Variants in FSTL5 observed in about 807,000 individuals in gnomAD.
FSTL5 encodes the protein follistatin-related protein 5.
FSTL5 carries 62 observed loss-of-function variants against 89.1 expected under a neutral mutation model. The observed-to-expected ratio is 0.70, with a 90% CI of 0.57 to 0.86. The LOEUF is 0.86. Among genes scored for constraint, FSTL5 ranks in the 40% least tolerant of loss-of-function variants. FSTL5 has a pLI of 0.00. For synonymous variants in FSTL5, 383 were observed against 346.2 expected, an observed-to-expected ratio of 1.11 and a Z score of -1.18; for missense variants, 1,057 against 1,001.6, an observed-to-expected ratio of 1.06 and a Z score of -0.75.
intron 7 of FSTL5, among the ~76,000 whole-genome samples, chr4:161,631,214 A>C (rs1735495532): frequency 6.6e-6 from 1 of 152,230 alleles, no homozygotes; most frequent in South Asian, 2.1e-4. Context: ...CCCTAAAATT[A>C]GAGTTTTCTC....
chr4:161,425,469 T>C (rs1386442529), intron 15 of FSTL5, among the ~76,000 whole-genome samples: 2 of 152,214 alleles, frequency 1.3e-5, no homozygotes, highest in South Asian at 2.1e-4. Context: ...CTTGGCAGTA[T>C]GGTGAATAGA....
At chr4:162,002,161 T>C (rs1297273590) in intron 3 of FSTL5, among the ~76,000 whole-genome samples, 1 of 152,190 alleles carries the variant, frequency 6.6e-6, no homozygotes, top group Non-Finnish European at 1.5e-5. Flanking sequence ...TATGATTTCA[T>C]ATACAACCTT....
intron 2 of FSTL5, among the ~76,000 whole-genome samples, chr4:162,061,484 T>A (rs1253278220): frequency 9.2e-5 from 14 of 152,150 alleles, no homozygotes; most frequent in Non-Finnish European, 1.5e-5. Context: ...ACTTTCAGTA[T>A]CTTCATTTCT....
chr4:162,010,231 T>C (rs1231466534), intron 3 of FSTL5, among the ~76,000 whole-genome samples: 1 of 152,116 alleles, frequency 6.6e-6, no homozygotes, highest in Non-Finnish European at 1.5e-5. Flanking sequence ...TTGGTATACC[T>C]ATGAAATTAG....
At chr4:161,913,770 C>T (rs917553359) in intron 4 of FSTL5, among the ~76,000 whole-genome samples, 12 of 152,110 alleles carry the variant, frequency 7.9e-5, no homozygotes, top group African/African-American at 2.9e-4. Context: ...GGATTTTGGA[C>T]TTGCTTGGGC....
intron 3 of FSTL5, among the ~76,000 whole-genome samples, chr4:161,957,973 CAT>C (rs1359022692): frequency 6.6e-6 from 1 of 152,022 alleles, no homozygotes; most frequent in East Asian, 1.9e-4. Flanking sequence ...GTTCCTATTA[CAT>C]ATATATTAGC....
chr4:161,775,132 A>G (rs1451833036), intron 5 of FSTL5, among the ~76,000 whole-genome samples: 1 of 152,186 alleles, frequency 6.6e-6, no homozygotes, highest in Non-Finnish European at 1.5e-5. Flanking sequence ...TTAACCAGAA[A>G]AAAATGAATA....
chr4:161,835,315 A>C (rs1731000266), intron 4 of FSTL5, among the ~76,000 whole-genome samples: 1 of 152,182 alleles, frequency 6.6e-6, no homozygotes, highest in Non-Finnish European at 1.5e-5. Flanking sequence ...AGATGGATTA[A>C]AGACTTAAAC....
In FSTL5 at chr4:161,529,793, T is replaced by C. The variant is rs567407792; in HGVS notation, c.1312+8373A>G. Among the ~76,000 whole-genome samples the C allele has an allele frequency of 7.7e-5, 11 of 143,084 alleles. 4 individuals carry two copies. In the East Asian group the frequency reaches 2.6e-3, roughly 34 times the overall value. The allele number at this position is 143,084 out of a possible 152,430, so 93.9% of individuals were successfully genotyped here. A position where few individuals can be genotyped will look rare whatever the true frequency, so the allele number is the denominator to read the frequency against. ...CTGTGATGTCTGCACTTTATCTTTA[T>C]GGATTTTTGCTGTATGTTATTATTC... On this transcript the variant is annotated intron_variant, in intron 10 of 15. Coordinates refer to ENST00000306100, the MANE Select transcript of FSTL5 (RefSeq NM_020116.5).
chr4:161,721,133 C>T (rs1246811658), intron 6 of FSTL5, among the ~76,000 whole-genome samples: 2 of 151,338 alleles, frequency 1.3e-5, no homozygotes, highest in Non-Finnish European at 2.9e-5. Context: ...AAAAAATTAG[C>T]CGGGCGCGGT....
At chr4:161,586,856 AT>A (rs1182446457) in intron 8 of FSTL5, among the ~76,000 whole-genome samples, 1 of 152,204 alleles carries the variant, frequency 6.6e-6, no homozygotes, top group East Asian at 1.9e-4. Flanking sequence ...CTTTTCATAA[AT>A]CAGAGTATAT....
At chr4:161,519,063 C>A (rs13143041) in intron 10 of FSTL5, among the ~76,000 whole-genome samples, 16,473 of 152,164 alleles carry the variant, frequency 0.11, 1,155 homozygotes, top group Non-Finnish European at 0.16. Flanking sequence ...AATGTGTGAT[C>A]CAAAAAACCA....
At chr4:161,656,534 G>A in intron 6 of FSTL5, 40 bp from the exon 7 acceptor site, 7 of 1,340,016 alleles carry the variant, frequency 5.2e-6, no homozygotes, top group Non-Finnish European at 6.9e-6. Flanking sequence ...TGAGCATTTA[G>A]TTTTGTAAGG....
intron 6 of FSTL5, among the ~76,000 whole-genome samples, chr4:161,751,570 T>A (rs1229015430): frequency 6.6e-6 from 1 of 151,646 alleles, no homozygotes; most frequent in Non-Finnish European, 1.5e-5. Flanking sequence ...AAGGTAAGAG[T>A]TTGAGACCAG....
Position 161,783,643 on chromosome 4 carries a change from TTCTC to T in FSTL5, c.410-7573_410-7570del, listed in dbSNP as rs33933881. Among the ~76,000 whole-genome samples the T allele has an allele frequency of 3.0e-4, 19 of 62,414 alleles. 3 individuals carry two copies. The highest frequency in any genetic ancestry group is 1.1e-3 in the African/African-American group (19 of 16,896). 40.9% of individuals were successfully genotyped at this position (62,414 alleles called of 152,430 possible). On this transcript the variant is annotated intron_variant, in intron 4 of 15. Coordinates refer to ENST00000306100, the MANE Select transcript of FSTL5 (RefSeq NM_020116.5). ...TTTTCTTTCTCTTTCTTTTCTTTCT[TTCTC>T]TCTCTTTCTTTCTTTCTCTTTCTTT...
intron 5 of FSTL5, among the ~76,000 whole-genome samples, chr4:161,773,583 C>A (rs761368743): frequency 1.3e-5 from 2 of 152,028 alleles, no homozygotes; most frequent in Non-Finnish European, 2.9e-5. Context: ...GGCCAACAAA[C>A]ATGAAAAAAT....
rs117660396 is a variant in FSTL5 at position 162,095,318 on chromosome 4, A to T, written c.126+15953T>A. ...AGGTGTTCAAAAATTTCTATAGTCCATTTAGTTGGGAAATTCTAGGTTAAA... is the reference window on the plus strand; with the variant it reads ...AGGTGTTCAAAAATTTCTATAGTCCTTTTAGTTGGGAAATTCTAGGTTAAA... On this transcript the variant is annotated intron_variant, in intron 2 of 15. Transcript: ENST00000306100. Among the ~76,000 whole-genome samples, 77 of 152,248 alleles carry T rather than the reference A, an allele frequency of 5.1e-4. 1 individual carries two copies. The East Asian group carries it at 0.014, about 28-fold the overall frequency.
At position 162,111,306 on chromosome 4, in the gene FSTL5, T is replaced by G; in HGVS notation, c.91A>C (p.Lys31Gln). 6.2e-7 allele frequency: 1 copy of G among 1,612,208 alleles called. No homozygotes were observed. The highest frequency in any genetic ancestry group is 8.5e-7 in the Non-Finnish European group (1 of 1,178,652). ...AATCTCATTAGAGGCTGATAGGATT[T>G]AAGGCCATATCCTCCTTCTTTGGTT... ...RPTKEGGYGL[K>Q]SYQPLMRLRH... The change falls in exon 2 of 16, where the codon AAA becomes CAA. Residue 31 changes from lysine to glutamine, a missense_variant. By Grantham distance (53) the Lys-to-Gln change is moderately conservative. Transcript: ENST00000306100.
rs567005599 is a variant in FSTL5, at chr4:161,525,934, A to G, written c.1312+12232T>C. 2.6e-5 allele frequency among the ~76,000 whole-genome samples: 4 copies of G among 152,314 alleles called. No homozygotes were observed. The East Asian group carries it at 7.7e-4, about 29-fold the overall frequency. ...AATTAATGAGAATAAGCATCTTTAC[A>G]TAATTCATACTGATACTTCATTTTT... On this transcript the variant is annotated intron_variant, in intron 10 of 15. Transcript: ENST00000306100.
Sources: allele counts gnomAD v4.1 joint callset (sites outside exome capture counted in the v4.1 genomes callset), GRCh38; gene constraint gnomAD v4.1.1; transcripts MANE v1.5; gene names NCBI Gene and HGNC (gene_info 2026-07-23, HGNC 2026-07-21).